Variants in SPTLC1 observed in about 807,000 individuals in gnomAD.
SPTLC1 encodes the protein serine palmitoyltransferase 1.
Under a neutral mutation model 68.9 loss-of-function variants are expected in SPTLC1, and 55 were observed. The observed-to-expected ratio is 0.80, with a 90% confidence interval of 0.64 to 1.00. The LOEUF (loss-of-function observed/expected upper bound fraction) is 1.00, where lower values mean the gene tolerates loss of function less well. Among genes scored for constraint, SPTLC1 ranks in the 50% least tolerant of loss-of-function variants. The pLI, the probability that SPTLC1 is intolerant of heterozygous loss-of-function variation, is 0.00. For synonymous variants in SPTLC1, 197 were observed against 201.6 expected (o/e 0.98, Z 0.19); for missense variants, 449 against 573.1 (o/e 0.78, Z 2.21).
intron 12 of SPTLC1, chr9:92,038,594 G>A (rs1833231699): frequency 1.8e-6 from 1 of 541,150 alleles, no homozygotes. Context: ...CTGAGTGCAG[G>A]ACCGGGTCTC....
intron 5 of SPTLC1, among the ~76,000 whole-genome samples, chr9:92,069,693 A>G (rs557589475): frequency 5.9e-5 from 9 of 152,294 alleles, no homozygotes; most frequent in Admixed American, 5.9e-4. Flanking sequence ...GAGCGCCATC[A>G]CTTTGCCACC....
At chr9:92,093,546 C>G (rs762424305) in intron 3 of SPTLC1, among the ~76,000 whole-genome samples, 2 of 151,910 alleles carry the variant, frequency 1.3e-5, no homozygotes. Flanking sequence ...AAAAACTCAA[C>G]GAAATCAACA....
intron 1 of SPTLC1, chr9:92,115,064 G>C (rs1836397734): frequency 1.7e-6 from 1 of 573,886 alleles, no homozygotes; most frequent in African/African-American, 1.9e-5. Flanking sequence ...TTCCTTTCCG[G>C]AGCTTCCAGG....
chr9:92,075,996 C>A (rs987840742), intron 5 of SPTLC1, among the ~76,000 whole-genome samples: 3 of 152,150 alleles, frequency 2.0e-5, no homozygotes, highest in African/African-American at 7.2e-5. Flanking sequence ...TGATTAACAC[C>A]AGGAAAAGCT....
At chr9:92,085,421 C>T (rs1417895966) in intron 3 of SPTLC1, among the ~76,000 whole-genome samples, 1 of 151,914 alleles carries the variant, frequency 6.6e-6, no homozygotes, top group East Asian at 1.9e-4. Flanking sequence ...GAATGTGTCC[C>T]AGAGATCCTG....
chr9:92,063,741 C>G (rs936773268), intron 6 of SPTLC1, among the ~76,000 whole-genome samples: 2 of 151,712 alleles, frequency 1.3e-5, no homozygotes, highest in Non-Finnish European at 2.9e-5. Flanking sequence ...CATTAAGAGA[C>G]TAAAAAAGAA....
At chr9:92,088,928 C>T (rs529733402) in intron 3 of SPTLC1, among the ~76,000 whole-genome samples, 1 of 152,306 alleles carries the variant, frequency 6.6e-6, no homozygotes, top group Middle Eastern at 3.4e-3. Context: ...GACATCTCCA[C>T]AATCGAGACC....
In SPTLC1 at chr9:92,046,254, A is replaced by G. The variant is rs1032280656; in HGVS notation, c.1082-201T>C. On this transcript the variant is annotated intron_variant, in intron 11 of 14. Transcript: ENST00000262554. ...GTGCTAACTGGCCCCTTCTCACCTC[A>G]GTATCCCACTTTCAACAAACCTGGA... 5 of 595,076 alleles carry G rather than the reference A, an allele frequency of 8.4e-6. No individual in the cohort carries two copies. In the South Asian group the frequency reaches 1.0e-4, roughly 12 times the overall value. 36.9% of individuals were successfully genotyped at this position (595,076 alleles called of 1,614,324 possible).
chr9:92,099,209 G>A (rs982972483), intron 3 of SPTLC1, among the ~76,000 whole-genome samples: 1 of 152,160 alleles, frequency 6.6e-6, no homozygotes, highest in Non-Finnish European at 1.5e-5. Flanking sequence ...CCTGTTAGGG[G>A]CACCCAGGGA....
intron 3 of SPTLC1, among the ~76,000 whole-genome samples, chr9:92,107,207 T>C (rs531176946): frequency 6.6e-6 from 1 of 152,304 alleles, no homozygotes; most frequent in Admixed American, 6.5e-5. Context: ...TATAAAGCTG[T>C]GGTATACATG....
At chr9:92,059,065 A>C (rs1219797452) in intron 7 of SPTLC1, 114 bp downstream of exon 7, 1 of 1,240,930 alleles carries the variant, frequency 8.1e-7, no homozygotes, top group Non-Finnish European at 1.1e-6. Context: ...GGAACACCTT[A>C]ATATCCAAAT....
chr9:92,103,614 T>G (rs1324878216), intron 3 of SPTLC1, among the ~76,000 whole-genome samples: 2 of 152,172 alleles, frequency 1.3e-5, no homozygotes, highest in Admixed American at 6.5e-5. Flanking sequence ...AAGAGGCGCA[T>G]CCAGTCAGGT....
chr9:92,032,014 C>A lies in SPTLC1; in HGVS notation c.*451G>T, dbSNP rs868416931. ...AGATCTTCAATATAAATTTGTACCA[C>A]ATATGTTGAAGTGTTCCTCTTAGCT... On this transcript the variant is annotated 3_prime_UTR_variant, in exon 15 of 15. Transcript: ENST00000262554. 5.6e-5 allele frequency: 21 copies of A among 378,004 alleles called. No individual in the cohort carries two copies. The Middle Eastern group carries it at 3.6e-3, about 64-fold the overall frequency. The allele number at this position is 378,004 out of a possible 1,614,324, so 23.4% of individuals were successfully genotyped here.
chr9:92,092,804 A>G (rs1303062126), intron 3 of SPTLC1, among the ~76,000 whole-genome samples: 1 of 152,206 alleles, frequency 6.6e-6, no homozygotes, highest in Non-Finnish European at 1.5e-5. Context: ...GCTTAAACAC[A>G]GAAAAGTTCA....
intron 8 of SPTLC1, among the ~76,000 whole-genome samples, chr9:92,052,788 T>C (rs1476434515): frequency 6.6e-6 from 1 of 152,092 alleles, no homozygotes; most frequent in Non-Finnish European, 1.5e-5. Flanking sequence ...TGCCTCGGCC[T>C]CCCAAAGTGC....
chr9:92,064,785 A>C lies in SPTLC1; in HGVS notation c.560+3181T>G, dbSNP rs541841147. On this transcript the variant is annotated intron_variant, in intron 6 of 14. Coordinates refer to ENST00000262554, the MANE Select transcript of SPTLC1 (RefSeq NM_006415.4). ...AATACTCATCAATCAAAAGGAACCA[A>C]CTCTGGATACAAGCAACAACTTGGA... 7.2e-5 allele frequency among the ~76,000 whole-genome samples: 11 copies of C among 152,356 alleles called. No individual in the cohort carries two copies. The South Asian group carries it at 1.4e-3, about 20-fold the overall frequency.
Position 92,066,238 on chromosome 9 carries a change from T to C in SPTLC1, c.560+1728A>G, listed in dbSNP as rs373889231. Among the ~76,000 whole-genome samples, 6 of 152,170 alleles carry C rather than the reference T, an allele frequency of 3.9e-5. No individual in the cohort carries two copies. The East Asian group carries it at 9.7e-4, about 24-fold the overall frequency. On this transcript the variant is annotated intron_variant, in intron 6 of 14. Coordinates refer to ENST00000262554, the MANE Select transcript of SPTLC1 (RefSeq NM_006415.4). ...AGAGCAGGGTGCGTGTGAGAGAGTGTGTGTGTCTGTGTGTGGGAGGGAGGC... is the reference window on the plus strand; with the variant it reads ...AGAGCAGGGTGCGTGTGAGAGAGTGCGTGTGTCTGTGTGTGGGAGGGAGGC...
At chr9:92,107,145 T>C (rs1836028070) in intron 3 of SPTLC1, among the ~76,000 whole-genome samples, 1 of 152,246 alleles carries the variant, frequency 6.6e-6, no homozygotes, top group Non-Finnish European at 1.5e-5. Flanking sequence ...AAGAATAGTC[T>C]AGACAATTTT....
At chr9:92,073,392 G>A (rs562201246) in intron 5 of SPTLC1, among the ~76,000 whole-genome samples, 18 of 152,352 alleles carry the variant, frequency 1.2e-4, no homozygotes, top group Admixed American at 7.2e-4. Context: ...TACCCGTGAA[G>A]GCCCCAAAGG....
Sources: allele counts gnomAD v4.1 joint callset (sites outside exome capture counted in the v4.1 genomes callset), GRCh38; gene constraint gnomAD v4.1.1; transcripts MANE v1.5; gene names NCBI Gene and HGNC (gene_info 2026-07-23, HGNC 2026-07-21).